The following CDH11 variants were observed in gnomAD, a reference collection of about 807,000 sequenced individuals.
CDH11 encodes cadherin-11.
A neutral mutation model predicts 67.8 loss-of-function variants in CDH11; 11 were observed. The ratio of observed to expected loss-of-function variants is 0.16; its 90% confidence interval spans 0.10 to 0.27. CDH11 has a LOEUF of 0.27. Ranked by LOEUF, CDH11 falls within the 10% of genes least tolerant of loss-of-function variation. The pLI, the probability that CDH11 is intolerant of heterozygous loss-of-function variation, is 1.00. For synonymous variants in CDH11, 419 were observed against 400.0 expected (o/e 1.05, Z -0.57); for missense variants, 847 against 1,031.2 (o/e 0.82, Z 2.45).
At chr16:64,979,222 G>A (rs551968525) in intron 8 of CDH11, among the ~76,000 whole-genome samples, 1 of 152,214 alleles carries the variant, frequency 6.6e-6, no homozygotes, top group Non-Finnish European at 1.5e-5. Flanking sequence ...GGCAGAAACA[G>A]GTGGATCATT....
chr16:65,031,307 C>T (rs992541768), intron 2 of CDH11, among the ~76,000 whole-genome samples: 1 of 152,204 alleles, frequency 6.6e-6, no homozygotes, highest in African/African-American at 2.4e-5. Context: ...TTGTTATGGT[C>T]CTCAGGTCAC....
chr16:65,112,822 T>C (rs2075181989), intron 1 of CDH11, among the ~76,000 whole-genome samples: 1 of 152,234 alleles, frequency 6.6e-6, no homozygotes, highest in Admixed American at 6.5e-5. Flanking sequence ...GAAATGACAC[T>C]GGACTGATCA....
intron 1 of CDH11, among the ~76,000 whole-genome samples, chr16:65,063,747 A>G (rs2074268550): frequency 6.6e-6 from 1 of 152,202 alleles, no homozygotes; most frequent in East Asian, 1.9e-4. Flanking sequence ...GATCATTTAT[A>G]TTTGTAAACA....
chr16:65,092,245 T>C (rs1258579358), intron 1 of CDH11, among the ~76,000 whole-genome samples: 4 of 152,176 alleles, frequency 2.6e-5, no homozygotes, highest in African/African-American at 9.7e-5. Context: ...AAAAAATATA[T>C]ACACAGATGT....
chr16:65,047,244 A>C (rs1055913594), intron 2 of CDH11, among the ~76,000 whole-genome samples: 1 of 152,170 alleles, frequency 6.6e-6, no homozygotes, highest in Non-Finnish European at 1.5e-5. Flanking sequence ...CACACAGAAA[A>C]CTGACAATAG....
chr16:64,982,269 G>A lies in CDH11; in HGVS notation c.1032C>T (p.Ser344=). 1 of 1,612,994 alleles carries A rather than the reference G, an allele frequency of 6.2e-7. No individual in the cohort carries two copies. The highest frequency in any genetic ancestry group is 8.5e-7 in the Non-Finnish European group (1 of 1,179,026). ...GCACGTTGGCTGCCTCTACCTTCAAGCTATAGGCTCTTTTGGTTTCAAAAT... is the reference window on the plus strand; with the variant it reads ...GCACGTTGGCTGCCTCTACCTTCAAACTATAGGCTCTTTTGGTTTCAAAAT... ...PVDFETKRAY[S]LKVEAANVHI... Residue 344 remains serine, a synonymous_variant, in exon 8 of 13, where the codon AGC becomes AGT. Transcript: ENST00000268603.
upstream of CDH11, chr16:65,122,155 G>C: frequency 1.8e-6 from 1 of 553,110 alleles, no homozygotes; most frequent in Non-Finnish European, 3.2e-6. Context: ...CGGGAGGAGG[G>C]AGGCTGCCGC....
chr16:65,008,352 A>G (rs530502850), intron 2 of CDH11, among the ~76,000 whole-genome samples: 1 of 152,346 alleles, frequency 6.6e-6, no homozygotes, highest in East Asian at 1.9e-4. Flanking sequence ...ATGGTCCACC[A>G]TTTTAAATGC....
intron 11 of CDH11, among the ~76,000 whole-genome samples, chr16:64,967,219 TTTTG>T (rs990211695): frequency 1.3e-5 from 2 of 151,672 alleles, no homozygotes; most frequent in Non-Finnish European, 2.9e-5. Context: ...ACTCTAGGAG[TTTTG>T]TTTGTTTGTT....
At chr16:65,051,257 A>T (rs1296819575) in intron 2 of CDH11, among the ~76,000 whole-genome samples, 4 of 152,170 alleles carry the variant, frequency 2.6e-5, no homozygotes, top group African/African-American at 4.8e-5. Context: ...TGTCCTCCCA[A>T]AACAGACCCA....
chr16:64,965,359 G>A (rs538140040), intron 11 of CDH11, among the ~76,000 whole-genome samples: 2 of 152,160 alleles, frequency 1.3e-5, no homozygotes, highest in East Asian at 1.9e-4. Flanking sequence ...TCCAGCCTGG[G>A]CAACAGAGCA....
intron 1 of CDH11, among the ~76,000 whole-genome samples, chr16:65,065,557 C>T (rs554998837): frequency 6.6e-6 from 1 of 152,286 alleles, no homozygotes; most frequent in South Asian, 2.1e-4. Context: ...ATTCTGGGTA[C>T]TGATGCCAGC....
chr16:64,953,075 A>G (rs2071405229), intron 11 of CDH11, among the ~76,000 whole-genome samples: 1 of 152,134 alleles, frequency 6.6e-6, no homozygotes, highest in South Asian at 2.1e-4. Context: ...TGTAACAGCC[A>G]TGTAAATAGT....
At chr16:65,093,023 G>A (rs376407713) in intron 1 of CDH11, among the ~76,000 whole-genome samples, 13 of 146,474 alleles carry the variant, frequency 8.9e-5, no homozygotes, top group Non-Finnish European at 1.6e-4. Flanking sequence ...TGCAACCTCC[G>A]CCTCCCAAGT....
At chr16:64,960,574 G>A (rs920499410) in intron 11 of CDH11, among the ~76,000 whole-genome samples, 2 of 152,114 alleles carry the variant, frequency 1.3e-5, no homozygotes, top group Non-Finnish European at 2.9e-5. Context: ...CCTGGGAGAT[G>A]TCTTTATGTA....
intron 2 of CDH11, among the ~76,000 whole-genome samples, chr16:65,011,474 A>T (rs1384793241): frequency 6.6e-6 from 1 of 152,154 alleles, no homozygotes; most frequent in East Asian, 1.9e-4. Context: ...ATGGCCACAA[A>T]ATATTACAGG....
chr16:64,999,019 C>T (rs890814868), intron 3 of CDH11, among the ~76,000 whole-genome samples, 163 bp from the exon 4 acceptor site: 1 of 152,136 alleles, frequency 6.6e-6, no homozygotes, highest in African/African-American at 2.4e-5. Flanking sequence ...TAGAGAATAT[C>T]ATAGCCTTGG....
Position 64,973,030 on chromosome 16 carries a change from C to T in CDH11, c.1264G>A (p.Asp422Asn), listed in dbSNP as rs770554222. The T allele has an allele frequency of 6.2e-6, 10 of 1,613,220 alleles. No individual in the cohort carries two copies. In the East Asian group the frequency reaches 8.9e-5, roughly 14 times the overall value. ...AANSPIRYSI[D>N]RHTDLDRFFT... The stretch of plus-strand genomic sequence containing the variant: ...AATCTGTCGAGGTCAGTGTGACGAT[C>T]GATGGAATACCTAAGCAGAATGCAA... Residue 422 changes from aspartate (D) to asparagine (N), a missense_variant, in exon 9 of 13, where the codon GAT (aspartate) becomes AAT (asparagine). By Grantham distance (23) the Asp-to-Asn change is conservative. Coordinates refer to ENST00000268603, the MANE Select transcript of CDH11 (RefSeq NM_001797.4).
chr16:65,114,046 G>A (rs1390524878), intron 1 of CDH11, among the ~76,000 whole-genome samples: 1 of 152,148 alleles, frequency 6.6e-6, no homozygotes, highest in South Asian at 2.1e-4. Context: ...TAACTACTGG[G>A]AGAAAGTTAC....
Sources: allele counts gnomAD v4.1 joint callset (sites outside exome capture counted in the v4.1 genomes callset), GRCh38; gene constraint gnomAD v4.1.1; transcripts MANE v1.5; gene names NCBI Gene and HGNC (gene_info 2026-07-23, HGNC 2026-07-21).